OR2M4: variants seen among roughly 807,000 people sequenced by gnomAD.
The protein encoded by OR2M4 is olfactory receptor 2M4.
In OR2M4, 8 loss-of-function variants were observed where a neutral mutation model predicts 13.7. The observed-to-expected ratio is 0.58, with a 90% CI of 0.34 to 1.05. The LOEUF (loss-of-function observed/expected upper bound fraction) is 1.05. OR2M4 is among the 50% of genes least tolerant of loss of function. OR2M4 has a pLI of 0.02. For synonymous variants in OR2M4, 152 were observed against 141.3 expected (o/e 1.08, Z -0.53); for missense variants, 374 against 381.6 (o/e 0.98, Z 0.17).
intron 1 of OR2M4, among the ~76,000 whole-genome samples, chr1:248,232,707 G>A (rs139130107): frequency 2.6e-5 from 4 of 152,110 alleles, no homozygotes; most frequent in Admixed American, 6.5e-5. Flanking sequence ...ACATTGTAAC[G>A]CAATTCTATT....
Position 248,241,215 on chromosome 1 carries a change from C to G in OR2M4, c.*1351C>G, listed in dbSNP as rs756846127. On this transcript the variant is annotated 3_prime_UTR_variant, in exon 2 of 2. Coordinates refer to ENST00000641868, the MANE Select transcript of OR2M4 (RefSeq NM_017504.2). ...ACCTCAGGCTGCACAGCTCATGGCT[C>G]CAAAAGAGTTCTTCCACTTGAGGAG... 4 of 152,056 alleles carry G rather than the reference C, an allele frequency of 2.6e-5. No homozygotes were observed. Among genetic ancestry groups the G allele is most frequent in the Admixed American group, 6.6e-5 (1 of 15,254 alleles). 9.4% of individuals were successfully genotyped at this position (152,056 alleles called of 1,614,324 possible).
chr1:248,232,930 G>A (rs1018509996), intron 1 of OR2M4, among the ~76,000 whole-genome samples: 1 of 151,984 alleles, frequency 6.6e-6, no homozygotes, highest in South Asian at 2.1e-4. Flanking sequence ...CACCAGCTGA[G>A]GAGTTATTCT....
rs548722329 is a variant in OR2M4 at position 248,237,654 on chromosome 1, C to G, written c.-19-1256C>G. Among the ~76,000 whole-genome samples, 28 of 152,076 alleles carry G rather than the reference C, an allele frequency of 1.8e-4. 1 individual carries two copies. In the South Asian group the frequency reaches 5.4e-3, roughly 29 times the overall value. On this transcript the variant is annotated intron_variant, in intron 1 of 1. Transcript: ENST00000641868. The stretch of plus-strand genomic sequence containing the variant: ...ACAACAGAGCAAGACTCTGTCCCCC[C>G]CAAAAACAAAACAAAACAAAACAAA...
At position 248,239,976 on chromosome 1, in the gene OR2M4, C is replaced by A. The variant is rs559482230; in HGVS notation, c.*112C>A. The A allele has an allele frequency of 1.6e-5, 11 of 697,710 alleles. No homozygotes were observed. The highest frequency in any genetic ancestry group is 2.6e-5 in the Non-Finnish European group (11 of 431,266). The allele number at this position is 697,710 out of a possible 1,614,324, so 43.2% of individuals were successfully genotyped here. ...TGGTAATTTGTATTAATATTTTCCA[C>A]TTCTTTTCAAAATTATCTATTCAGT... On this transcript the variant is annotated 3_prime_UTR_variant, in exon 2 of 2. Coordinates refer to ENST00000641868, the MANE Select transcript of OR2M4 (RefSeq NM_017504.2).
rs1666604022 is a variant in OR2M4 at position 248,240,133 on chromosome 1, T to A, written c.*269T>A. On this transcript the variant is annotated 3_prime_UTR_variant, in exon 2 of 2. Coordinates refer to ENST00000641868, the MANE Select transcript of OR2M4 (RefSeq NM_017504.2). ...TGGTACTTGATTTTAGGATGCTTAC[T>A]TTTGAAGCCAGGTATAAGTCCGAAG... The A allele has an allele frequency of 3.5e-6, 1 of 282,678 alleles. No individual in the cohort carries two copies. The highest frequency in any genetic ancestry group is 2.2e-5 in the African/African-American group (1 of 45,220). 17.5% of individuals were successfully genotyped at this position (282,678 alleles called of 1,614,324 possible).
In OR2M4 at chr1:248,244,179, C is replaced by G. The variant is rs1304758705; in HGVS notation, c.*4315C>G. 1 of 152,128 alleles carries G rather than the reference C, an allele frequency of 6.6e-6. No individual in the cohort carries two copies. The highest frequency in any genetic ancestry group is 1.5e-5 in the Non-Finnish European group (1 of 68,026). 9.4% of individuals were successfully genotyped at this position (152,128 alleles called of 1,614,324 possible). The stretch of plus-strand genomic sequence containing the variant: ...AACTTAAAACAGGGCTGCTACTTGA[C>G]CCAGGAATGCTATTACTGGGGATAC... On this transcript the variant is annotated 3_prime_UTR_variant, in exon 2 of 2. Transcript: ENST00000641868.
chr1:248,238,978 T>C lies in OR2M4; in HGVS notation c.50T>C (p.Ile17Thr), dbSNP rs1666584945. 6.2e-7 allele frequency: 1 copy of C among 1,612,278 alleles called. No individual in the cohort carries two copies. The highest frequency in any genetic ancestry group is 8.5e-7 in the Non-Finnish European group (1 of 1,179,288). Reference sequence around the variant, plus strand: ...AACTCCATCTTCATCCTGCTGGGAATCTTCAATCACAGTCCCACCCACACC... The same window carrying C: ...AACTCCATCTTCATCCTGCTGGGAACCTTCAATCACAGTCCCACCCACACC... ...TFNSIFILLG[I>T]FNHSPTHTFL... The change falls in exon 2 of 2, where the codon ATC (isoleucine) becomes ACC (threonine). Residue 17 changes from isoleucine to threonine, a missense_variant. Ile to Thr is a moderately conservative substitution (Grantham distance 89). Coordinates refer to ENST00000641868, the MANE Select transcript of OR2M4 (RefSeq NM_017504.2).
rs1666598875 is a variant in OR2M4, at chr1:248,239,739, G to A, written c.811G>A (p.Asp271Asn). The change falls in exon 2 of 2, where the codon GAC becomes AAC. Residue 271 changes from aspartate (D) to asparagine (N), a missense_variant. Coordinates refer to ENST00000641868, the MANE Select transcript of OR2M4 (RefSeq NM_017504.2). ...AGCTTCTAAACATACGCCAGACCAG[G>A]ACAAGATGGTGTCGGCCTTCTACAC... The part of the protein sequence containing the change: ...RPASKHTPDQ[D>N]KMVSAFYTIL... The A allele has an allele frequency of 6.2e-7, 1 of 1,613,920 alleles. No individual in the cohort carries two copies. The highest frequency in any genetic ancestry group is 1.1e-5 in the South Asian group (1 of 91,082).
In OR2M4 at chr1:248,238,961, C is replaced by T. The variant is rs750807696; in HGVS notation, c.33C>T (p.Ile11=). 11 of 1,608,268 alleles carry T rather than the reference C, an allele frequency of 6.8e-6. No homozygotes were observed. Among genetic ancestry groups the T allele is most frequent in the Non-Finnish European group, 9.3e-6 (11 of 1,177,514 alleles). The change falls in exon 2 of 2, where the codon ATC becomes ATT. Residue 11 remains isoleucine (I), a synonymous_variant. Transcript: ENST00000641868. MVWENQTFNS[I]FILLGIFNHS... ...GGGAAAACCAGACCTTCAACTCCAT[C>T]TTCATCCTGCTGGGAATCTTCAATC...
chr1:248,238,942 A>G lies in OR2M4; in HGVS notation c.14A>G (p.Asn5Ser). ...AAATTATCCAGGATGGTGTGGGAAA[A>G]CCAGACCTTCAACTCCATCTTCATC... MVWE[N>S]QTFNSIFILL... The change falls in exon 2 of 2, where the codon AAC becomes AGC. Residue 5 changes from asparagine to serine, a missense_variant. By Grantham distance (46) the Asn-to-Ser change is conservative (BLOSUM62 1). Transcript: ENST00000641868. The G allele has an allele frequency of 6.3e-7, 1 of 1,597,296 alleles. No individual in the cohort carries two copies. Among genetic ancestry groups the G allele is most frequent in the Non-Finnish European group, 8.5e-7 (1 of 1,172,590 alleles).
chr1:248,239,429 T>C lies in OR2M4; in HGVS notation c.501T>C (p.Ser167=). 1 of 1,614,158 alleles carries C rather than the reference T, an allele frequency of 6.2e-7. No homozygotes were observed. Among genetic ancestry groups the C allele is most frequent in the South Asian group, 1.1e-5 (1 of 91,082 alleles). ...IIVLAAVLSF[S]YCSSLEIHHF... is the part of the protein sequence containing the mutation. ...TGCTTGCAGCTGTCCTGTCATTTTC[T>C]TACTGCAGCTCTCTGGAAATTCATC... The change falls in exon 2 of 2, where the codon TCT becomes TCC. Residue 167 remains serine, a synonymous_variant. Coordinates refer to ENST00000641868, the MANE Select transcript of OR2M4 (RefSeq NM_017504.2).
rs1245912351 is a variant in OR2M4 at position 248,244,254 on chromosome 1, T to C, written c.*4390T>C. On this transcript the variant is annotated 3_prime_UTR_variant, in exon 2 of 2. Transcript: ENST00000641868. ...ACCCCAAAGACAAATTATTCATTCA[T>C]TGCAGTGTTATTCCCAATAGCAAGG... The C allele has an allele frequency of 1.3e-5, 2 of 152,196 alleles. No individual in the cohort carries two copies. The highest frequency in any genetic ancestry group is 2.9e-5 in the Non-Finnish European group (2 of 68,026). 9.4% of individuals were successfully genotyped at this position (152,196 alleles called of 1,614,324 possible).
chr1:248,239,450 T>C lies in OR2M4; in HGVS notation c.522T>C (p.Ile174=). 1 of 1,614,112 alleles carries C rather than the reference T, an allele frequency of 6.2e-7. No individual in the cohort carries two copies. The highest frequency in any genetic ancestry group is 2.2e-5 in the East Asian group (1 of 44,876). The change falls in exon 2 of 2, where the codon ATT becomes ATC. Residue 174 remains isoleucine, a synonymous_variant. Coordinates refer to ENST00000641868, the MANE Select transcript of OR2M4 (RefSeq NM_017504.2). ...TTTCTTACTGCAGCTCTCTGGAAAT[T>C]CATCACTTTTTCTGTGATGTTGCTG... ...LSFSYCSSLE[I]HHFFCDVAAL...
chr1:248,234,495 C>G (rs1240274539), intron 1 of OR2M4, among the ~76,000 whole-genome samples: 1 of 152,106 alleles, frequency 6.6e-6, no homozygotes, highest in East Asian at 1.9e-4. Flanking sequence ...TCCCCCACCG[C>G]TGTGTCCATG....
Position 248,239,807 on chromosome 1 carries a change from C to T in OR2M4, c.879C>T (p.Arg293=). ...TGAACCCTCTCATTTATAGCCTCCG[C>T]AACAAAGAAGTGTTCAGGGCACTAC... ...PMLNPLIYSL[R]NKEVFRALQK... The change falls in exon 2 of 2, where the codon CGC becomes CGT. Residue 293 remains arginine, a synonymous_variant. Transcript: ENST00000641868. 6.2e-7 allele frequency: 1 copy of T among 1,613,894 alleles called. No individual in the cohort carries two copies.
At chr1:248,238,005 G>T (rs1401660110) in intron 1 of OR2M4, among the ~76,000 whole-genome samples, 1 of 152,116 alleles carries the variant, frequency 6.6e-6, no homozygotes, top group East Asian at 1.9e-4. Context: ...AAATACAAAG[G>T]TTTTTGAATG....
rs188614646 is a variant in OR2M4 at position 248,239,015 on chromosome 1, T to C, written c.87T>C (p.Ser29=). The C allele has an allele frequency of 2.3e-4, 377 of 1,614,068 alleles. 2 individuals carry two copies. The highest frequency in any genetic ancestry group is 1.4e-5 in the Non-Finnish European group (16 of 1,179,960). The change falls in exon 2 of 2, where the codon TCT becomes TCC. Residue 29 remains serine (S), a synonymous_variant. Transcript: ENST00000641868. Reference sequence around the variant, plus strand: ...GTCCCACCCACACCTTCCTTTTTTCTCTGGTCCTGGGCATCTTCTCACTGG... The same window carrying C: ...GTCCCACCCACACCTTCCTTTTTTCCCTGGTCCTGGGCATCTTCTCACTGG... ...NHSPTHTFLF[S]LVLGIFSLAL...
rs1666641012 is a variant in OR2M4, at chr1:248,243,772, G to T, written c.*3908G>T. On this transcript the variant is annotated 3_prime_UTR_variant, in exon 2 of 2. Coordinates refer to ENST00000641868, the MANE Select transcript of OR2M4 (RefSeq NM_017504.2). ...GAGTAAACAGACAATCTACAGAATGGGAGAAGATATTAGCAAAATGTGCAT... is the reference window on the plus strand; with the variant it reads ...GAGTAAACAGACAATCTACAGAATGTGAGAAGATATTAGCAAAATGTGCAT... The T allele has an allele frequency of 6.6e-6, 1 of 152,082 alleles. No homozygotes were observed. The highest frequency in any genetic ancestry group is 2.4e-5 in the African/African-American group (1 of 41,396). 9.4% of individuals were successfully genotyped at this position (152,082 alleles called of 1,614,324 possible).
In OR2M4 at chr1:248,239,007, C is replaced by G; in HGVS notation, c.79C>G (p.Leu27Val). The G allele has an allele frequency of 1.2e-6, 2 of 1,614,016 alleles. No homozygotes were observed. The highest frequency in any genetic ancestry group is 1.7e-6 in the Non-Finnish European group (2 of 1,179,960). ...IFNHSPTHTF[L>V]FSLVLGIFSL... The stretch of plus-strand genomic sequence containing the variant: ...CAATCACAGTCCCACCCACACCTTC[C>G]TTTTTTCTCTGGTCCTGGGCATCTT... Residue 27 changes from leucine (L) to valine (V), a missense_variant, in exon 2 of 2, where the codon CTT becomes GTT. By Grantham distance (32) the Leu-to-Val change is conservative. Coordinates refer to ENST00000641868, the MANE Select transcript of OR2M4 (RefSeq NM_017504.2).
Sources: allele counts gnomAD v4.1 joint callset (sites outside exome capture counted in the v4.1 genomes callset), GRCh38; gene constraint gnomAD v4.1.1; transcripts MANE v1.5; gene names NCBI Gene and HGNC (gene_info 2026-07-23, HGNC 2026-07-21).